The following SGSM1 variants were observed in gnomAD, a reference collection of about 807,000 sequenced individuals.
SGSM1 encodes small G protein signaling modulator 1.
In SGSM1, 73 loss-of-function variants were observed where a neutral mutation model predicts 133.8. That is an observed-to-expected ratio of 0.55 (90% CI 0.45 to 0.66). The LOEUF is 0.66. Ranked by LOEUF, SGSM1 falls within the 30% of genes least tolerant of loss-of-function variation. The pLI is 0.00. For synonymous variants in SGSM1, 563 were observed against 573.0 expected (o/e 0.98, Z 0.25); for missense variants, 1,213 against 1,448.1 (o/e 0.84, Z 2.64).
chr22:24,838,157 C>A (rs1929575559), intron 2 of SGSM1, among the ~76,000 whole-genome samples: 1 of 152,160 alleles, frequency 6.6e-6, no homozygotes, highest in Non-Finnish European at 1.5e-5. Context: ...ATGTAGCTAT[C>A]CAGTTTTCCC....
chr22:24,850,523 T>C, intron 5 of SGSM1, 91 bp downstream of exon 5: 2 of 1,513,508 alleles, frequency 1.3e-6, no homozygotes, highest in Non-Finnish European at 1.8e-6. Context: ...AGCTGCTTTC[T>C]TTTTCCCCTT....
intron 2 of SGSM1, among the ~76,000 whole-genome samples, chr22:24,821,803 G>A (rs1388546553): frequency 1.3e-5 from 2 of 152,164 alleles, no homozygotes; most frequent in African/African-American, 4.8e-5. Flanking sequence ...CAGAAAAGCT[G>A]AGCAGAAGGT....
intron 22 of SGSM1, among the ~76,000 whole-genome samples, chr22:24,914,370 G>A (rs548836180): frequency 1.3e-5 from 2 of 151,836 alleles, no homozygotes; most frequent in South Asian, 2.1e-4. Context: ...CAGCTACTCA[G>A]GAGGCTGAGG....
At chr22:24,882,971 C>A (rs1932416064) in intron 14 of SGSM1, among the ~76,000 whole-genome samples, 1 of 151,464 alleles carries the variant, frequency 6.6e-6, no homozygotes, top group South Asian at 2.1e-4. Flanking sequence ...GATCTCAGCT[C>A]ACTGCAAGCT....
intron 2 of SGSM1, among the ~76,000 whole-genome samples, chr22:24,808,120 T>G (rs1927522256): frequency 6.7e-6 from 1 of 149,686 alleles, no homozygotes; most frequent in South Asian, 2.1e-4. Context: ...TTGGTGTTTT[T>G]TTTTTTTTTT....
At chr22:24,817,563 G>C (rs187570666) in intron 2 of SGSM1, among the ~76,000 whole-genome samples, 173 of 152,210 alleles carry the variant, frequency 1.1e-3, no homozygotes, top group African/African-American at 3.9e-3. Context: ...ATGTTGGTCA[G>C]GCTTGTCTCG....
chr22:24,923,073 G>A (rs1262238320), intron 24 of SGSM1, among the ~76,000 whole-genome samples: 2 of 152,126 alleles, frequency 1.3e-5, no homozygotes, highest in Non-Finnish European at 2.9e-5. Context: ...GGGAGGTGGA[G>A]GTTATAGTGA....
At chr22:24,916,175 AC>A (rs1933816109) in intron 22 of SGSM1, among the ~76,000 whole-genome samples, 2 of 151,992 alleles carry the variant, frequency 1.3e-5, no homozygotes, top group South Asian at 4.1e-4. Context: ...CATTTTCATT[AC>A]CCCAGAAAGA....
intron 16 of SGSM1, among the ~76,000 whole-genome samples, chr22:24,892,820 G>A (rs911773604): frequency 6.0e-5 from 9 of 151,010 alleles, no homozygotes; most frequent in Non-Finnish European, 8.9e-5. Context: ...AGGCTGAGGC[G>A]GGCGGATCAC....
intron 2 of SGSM1, among the ~76,000 whole-genome samples, chr22:24,835,868 AG>A (rs893527418): frequency 6.6e-6 from 1 of 152,152 alleles, no homozygotes; most frequent in Non-Finnish European, 1.5e-5. Context: ...TTCTGGGCAG[AG>A]GAGGGACGTG....
At chr22:24,894,663 G>A (rs1448842335) in intron 17 of SGSM1, among the ~76,000 whole-genome samples, 1 of 152,176 alleles carries the variant, frequency 6.6e-6, no homozygotes, top group Non-Finnish European at 1.5e-5. Context: ...TGCTCCACGT[G>A]GCTCACTGCC....
chr22:24,886,307 A>G (rs1932596187), intron 15 of SGSM1, among the ~76,000 whole-genome samples: 1 of 152,092 alleles, frequency 6.6e-6, no homozygotes, highest in Non-Finnish European at 1.5e-5. Flanking sequence ...AGGCTGAGGC[A>G]GGAGAATCAC....
At chr22:24,887,107 T>TGTGTGTG (rs1932651070) in intron 16 of SGSM1, among the ~76,000 whole-genome samples, 1 of 145,212 alleles carries the variant, frequency 6.9e-6, no homozygotes. Context: ...TTGTACTTAT[T>TGTGTGTG]TGTGTGTGTG....
intron 24 of SGSM1, among the ~76,000 whole-genome samples, chr22:24,921,535 A>G (rs1934008385): frequency 6.6e-6 from 1 of 152,178 alleles, no homozygotes; most frequent in African/African-American, 2.4e-5. Context: ...ATCTGTTAGC[A>G]TAAAGATTCC....
chr22:24,898,572 G>A lies in SGSM1; in HGVS notation c.2610+13G>A, dbSNP rs150673184. The A allele has an allele frequency of 2.3e-4, 368 of 1,579,116 alleles. 2 individuals are homozygous for A. The East Asian group carries it at 7.0e-3, about 30-fold the overall frequency. On this transcript the variant is annotated intron_variant, in intron 19 of 24. Coordinates refer to ENST00000400358, the MANE Select transcript of SGSM1 (RefSeq NM_001098497.3). ...CGTCACCTACTCTGTAAGTCACCAG[G>A]ACCCTCCGTTCCATTTCCTTCTTTC...
intron 2 of SGSM1, among the ~76,000 whole-genome samples, chr22:24,826,944 A>C (rs144550091): frequency 4.0e-4 from 61 of 152,214 alleles, no homozygotes; most frequent in African/African-American, 1.4e-3. Flanking sequence ...CACCCAGCAA[A>C]TGGCAGAGCT....
At chr22:24,921,543 T>G (rs1216817176) in intron 24 of SGSM1, among the ~76,000 whole-genome samples, 1 of 152,180 alleles carries the variant, frequency 6.6e-6, no homozygotes, top group Non-Finnish European at 1.5e-5. Context: ...GCATAAAGAT[T>G]CCCAAATTTT....
intron 2 of SGSM1, among the ~76,000 whole-genome samples, chr22:24,809,162 C>A (rs1365859791): frequency 6.6e-6 from 1 of 152,180 alleles, no homozygotes; most frequent in Non-Finnish European, 1.5e-5. Context: ...TCTCCCCTGT[C>A]CTTTCCTTCC....
intron 23 of SGSM1, 34 bp from the exon 24 acceptor site, chr22:24,919,792 A>G: frequency 6.2e-7 from 1 of 1,612,234 alleles, no homozygotes; most frequent in Non-Finnish European, 8.5e-7. Context: ...CCCCGTCACC[A>G]ATTCTCTCCC....
Sources: gnomAD v4.1 joint callset for allele counts (sites outside exome capture counted in the v4.1 genomes callset) on GRCh38, gnomAD v4.1.1 for gene constraint, MANE v1.5 for transcripts, NCBI Gene and HGNC (gene_info 2026-07-23, HGNC 2026-07-21) for gene names.